STX8: variants seen among roughly 807,000 people sequenced by gnomAD.
STX8 encodes syntaxin 8.
A neutral mutation model predicts 37.5 loss-of-function variants in STX8; 23 were observed. The observed-to-expected ratio is 0.61, with a 90% CI of 0.44 to 0.87. STX8 has a LOEUF of 0.87. Ranked by LOEUF, STX8 falls within the 40% of genes least tolerant of loss-of-function variation. The pLI is 0.00. For synonymous variants in STX8, 115 were observed against 99.1 expected, an observed-to-expected ratio of 1.16 and a Z score of -0.95; for missense variants, 313 against 284.7, an observed-to-expected ratio of 1.10 and a Z score of -0.71.
chr17:9,536,271 C>T (rs1906047761), intron 4 of STX8, among the ~76,000 whole-genome samples: 1 of 152,072 alleles, frequency 6.6e-6, no homozygotes, highest in South Asian at 2.1e-4. Context: ...ATTCTGAGAC[C>T]ACGAGAGGAG....
At chr17:9,475,309 GTGAAATACAGCT>G (rs1906054433) in intron 6 of STX8, among the ~76,000 whole-genome samples, 1 of 152,232 alleles carries the variant, frequency 6.6e-6, no homozygotes, top group South Asian at 2.1e-4. Flanking sequence ...TGGGGAATGG[GTGAAATACAGCT>G]GGAAATACAT....
chr17:9,516,830 A>G (rs1025124969), intron 4 of STX8, among the ~76,000 whole-genome samples: 2 of 152,188 alleles, frequency 1.3e-5, no homozygotes, highest in Non-Finnish European at 2.9e-5. Context: ...CTAGCTTTGT[A>G]TCCCTCCTGG....
intron 6 of STX8, among the ~76,000 whole-genome samples, chr17:9,436,820 T>C (rs1904449489): frequency 6.6e-6 from 1 of 152,162 alleles, no homozygotes; most frequent in African/African-American, 2.4e-5. Context: ...CCCAGGTTAG[T>C]GGAATGAAAC....
chr17:9,533,914 G>A (rs923114885), intron 4 of STX8, among the ~76,000 whole-genome samples: 1 of 152,062 alleles, frequency 6.6e-6, no homozygotes, highest in African/African-American at 2.4e-5. Context: ...TTCAGCTCAA[G>A]AATATCTCCC....
intron 7 of STX8, among the ~76,000 whole-genome samples, chr17:9,312,195 CT>C (rs879738211): frequency 6.4e-4 from 88 of 138,470 alleles, no homozygotes; most frequent in Middle Eastern, 4.5e-3. Context: ...GCATGAGACT[CT>C]TTTTTTTTTT....
At chr17:9,372,083 C>T (rs569821684) in intron 7 of STX8, among the ~76,000 whole-genome samples, 1 of 152,268 alleles carries the variant, frequency 6.6e-6, no homozygotes, top group East Asian at 1.9e-4. Flanking sequence ...GCACCTCGAG[C>T]TATAACAGGT....
intron 6 of STX8, among the ~76,000 whole-genome samples, chr17:9,384,123 G>GT (rs1911909651): frequency 3.1e-5 from 4 of 128,458 alleles, no homozygotes; most frequent in African/African-American, 1.4e-4. Context: ...ACCCTCATTT[G>GT]TTATTTTTTT....
chr17:9,328,816 G>A (rs977141392), intron 7 of STX8, among the ~76,000 whole-genome samples: 1 of 152,102 alleles, frequency 6.6e-6, no homozygotes, highest in African/African-American at 2.4e-5. Context: ...TTGGGAGGCT[G>A]AGACGGGTGG....
chr17:9,371,230 A>T, intron 7 of STX8, among the ~76,000 whole-genome samples: 1 of 152,190 alleles, frequency 6.6e-6, no homozygotes, highest in Middle Eastern at 3.2e-3. Context: ...AAGGGTAGCG[A>T]AACAAAAGGC....
intron 1 of STX8, among the ~76,000 whole-genome samples, chr17:9,572,323 A>C (rs1442613225): frequency 2.0e-5 from 3 of 152,208 alleles, no homozygotes; most frequent in Admixed American, 2.0e-4. Context: ...ATTGCTAGAC[A>C]CTGAGGGAGG....
chr17:9,483,990 A>T (rs1324494774), intron 6 of STX8, among the ~76,000 whole-genome samples: 13 of 152,226 alleles, frequency 8.5e-5, no homozygotes, highest in Non-Finnish European at 1.9e-4. Flanking sequence ...TTTCATGAGC[A>T]ATAGTGTCAT....
intron 7 of STX8, among the ~76,000 whole-genome samples, chr17:9,328,079 T>TTTTC (rs953543122): frequency 8.6e-5 from 13 of 151,248 alleles, no homozygotes; most frequent in African/African-American, 3.2e-4. Flanking sequence ...CTTTCTTTTC[T>TTTTC]TTTCTTTCTT....
At chr17:9,343,501 C>T (rs1446094127) in intron 7 of STX8, among the ~76,000 whole-genome samples, 4 of 152,152 alleles carry the variant, frequency 2.6e-5, no homozygotes, top group Non-Finnish European at 2.9e-5. Context: ...GTGAAAGATG[C>T]CAAAATAATC....
chr17:9,557,594 C>G, intron 2 of STX8, 66 bp from the exon 3 acceptor site: 1 of 1,370,254 alleles, frequency 7.3e-7, no homozygotes, highest in South Asian at 1.2e-5. Flanking sequence ...AATTACATCA[C>G]GTAAACACTA....
At chr17:9,412,173 G>T (rs1913003072) in intron 6 of STX8, among the ~76,000 whole-genome samples, 1 of 152,126 alleles carries the variant, frequency 6.6e-6, no homozygotes, top group African/African-American at 2.4e-5. Flanking sequence ...GGGAAACTAG[G>T]GTGAGGGAAA....
In STX8 at chr17:9,413,610, C is replaced by G. The variant is rs187500234; in HGVS notation, c.542-34957G>C. On this transcript the variant is annotated intron_variant, in intron 6 of 7. Transcript: ENST00000306357. Reference sequence around the variant, plus strand: ...CCCCCTAGTCATATCTACCTCAGATCTAAAGAAACAAGCTTCAATCCTTGA... The same window carrying G: ...CCCCCTAGTCATATCTACCTCAGATGTAAAGAAACAAGCTTCAATCCTTGA... 1.3e-3 allele frequency among the ~76,000 whole-genome samples: 202 copies of G among 152,282 alleles called. 2 individuals carry two copies. The highest frequency in any genetic ancestry group is 4.6e-3 in the African/African-American group (193 of 41,560).
chr17:9,572,129 A>G (rs1373736405), intron 1 of STX8, among the ~76,000 whole-genome samples: 1 of 152,208 alleles, frequency 6.6e-6, no homozygotes. Flanking sequence ...ATATAAAACT[A>G]TTAAGGTTTA....
intron 4 of STX8, among the ~76,000 whole-genome samples, chr17:9,523,452 TATATA>T (rs544976706): frequency 1.1e-4 from 16 of 152,042 alleles, no homozygotes; most frequent in African/African-American, 2.7e-4. Context: ...CAACAGAACT[TATATA>T]ATATGAGGGA....
At chr17:9,455,568 G>A (rs753517507) in intron 6 of STX8, among the ~76,000 whole-genome samples, 1 of 151,736 alleles carries the variant, frequency 6.6e-6, no homozygotes, top group Non-Finnish European at 1.5e-5. Context: ...GTGGCTACAA[G>A]AAAAGGCACA....
Sources: allele counts gnomAD v4.1 joint callset (sites outside exome capture counted in the v4.1 genomes callset), GRCh38; gene constraint gnomAD v4.1.1; transcripts MANE v1.5; gene names NCBI Gene and HGNC (gene_info 2026-07-23, HGNC 2026-07-21).